Variants in XYLT1 observed in about 807,000 individuals in gnomAD.
XYLT1 encodes xylosyltransferase 1.
A neutral mutation model predicts 91.3 loss-of-function variants in XYLT1; 36 were observed. The ratio of observed to expected loss-of-function variants is 0.39; its 90% CI spans 0.30 to 0.52. The LOEUF (loss-of-function observed/expected upper bound fraction) is 0.52, where lower values mean the gene tolerates loss of function less well. XYLT1 is among the 20% of genes least tolerant of loss of function. The pLI, the probability that XYLT1 is intolerant of heterozygous loss-of-function variation, is 0.68. For missense variants in XYLT1, 1,242 were observed against 1,284.5 expected, an observed-to-expected ratio of 0.97 and a Z score of 0.51; for synonymous variants, 588 against 532.0, an observed-to-expected ratio of 1.11 and a Z score of -1.45.
intron 5 of XYLT1, among the ~76,000 whole-genome samples, chr16:17,164,038 CAAAAAAAAAAAAAAAAAAA>C (rs57343034): frequency 6.8e-5 from 3 of 44,414 alleles, no homozygotes; most frequent in South Asian, 3.5e-3. Flanking sequence ...AACTCTGTCT[CAAAAAAAAAAAAAAAAAAA>C]AAAAAAAAAA....
At chr16:17,364,488 C>T (rs1158915254) in intron 1 of XYLT1, among the ~76,000 whole-genome samples, 2 of 152,196 alleles carry the variant, frequency 1.3e-5, no homozygotes, top group Non-Finnish European at 2.9e-5. Context: ...TCTTTGATTT[C>T]TTCCTCCAGG....
intron 1 of XYLT1, among the ~76,000 whole-genome samples, chr16:17,455,124 G>T (rs1309343598): frequency 1.3e-5 from 2 of 152,058 alleles, no homozygotes; most frequent in Non-Finnish European, 2.9e-5. Context: ...AAAAGTACCT[G>T]GTGGGGTTAG....
At chr16:17,262,722 G>C (rs910101207) in intron 2 of XYLT1, among the ~76,000 whole-genome samples, 2 of 152,114 alleles carry the variant, frequency 1.3e-5, no homozygotes, top group Non-Finnish European at 2.9e-5. Context: ...CACTCCTGCT[G>C]GTGGAGGTCA....
intron 2 of XYLT1, among the ~76,000 whole-genome samples, chr16:17,353,364 G>A (rs2035246985): frequency 6.6e-6 from 1 of 152,170 alleles, no homozygotes; most frequent in Non-Finnish European, 1.5e-5. Flanking sequence ...AGTGAGGGCA[G>A]GAGGAGGCAG....
Position 17,450,701 on chromosome 16 carries a change from T to A in XYLT1, c.363+19733A>T, listed in dbSNP as rs192811266. On this transcript the variant is annotated intron_variant, in intron 1 of 11. Coordinates refer to ENST00000261381, the MANE Select transcript of XYLT1 (RefSeq NM_022166.4). ...TCTGGAATCCAGGTATCCTGACTCC[T>A]GAAAGTCGAGATCACTTTGTCTTGC... 1.2e-3 allele frequency among the ~76,000 whole-genome samples: 185 copies of A among 152,268 alleles called. 1 individual carries two copies. Among genetic ancestry groups the A allele is most frequent in the African/African-American group, 4.0e-3 (165 of 41,546 alleles).
Position 17,259,180 on chromosome 16 carries a change from T to C in XYLT1, c.721A>G (p.Lys241Glu), listed in dbSNP as rs1281209696. 1 of 1,599,760 alleles carries C rather than the reference T, an allele frequency of 6.3e-7. No individual in the cohort carries two copies. The highest frequency in any genetic ancestry group is 8.5e-7 in the Non-Finnish European group (1 of 1,173,084). ...KDVSRPPHAR[K>E]TGGSSPETKY... ...GTCTCGGGGGAGCTGCCCCCAGTTTTCCTGGCATGAGGCGGTCTGGACACA... is the reference window on the plus strand; with the variant it reads ...GTCTCGGGGGAGCTGCCCCCAGTTTCCCTGGCATGAGGCGGTCTGGACACA... The change falls in exon 3 of 12, where the codon AAA becomes GAA. Residue 241 changes from lysine (K) to glutamate (E), a missense_variant. This residue lies in a region of XYLT1 where 437 missense variants were observed against 411.5 expected (regional missense o/e 1.06). Coordinates refer to ENST00000261381, the MANE Select transcript of XYLT1 (RefSeq NM_022166.4).
At chr16:17,421,884 C>T (rs2036255485) in intron 1 of XYLT1, among the ~76,000 whole-genome samples, 2 of 152,146 alleles carry the variant, frequency 1.3e-5, no homozygotes, top group Admixed American at 1.3e-4. Flanking sequence ...ATCACCCAGG[C>T]CAGAATGCAG....
chr16:17,359,819 C>T lies in XYLT1; in HGVS notation c.364-1769G>A, dbSNP rs988667336. On this transcript the variant is annotated intron_variant, in intron 1 of 11. Coordinates refer to ENST00000261381, the MANE Select transcript of XYLT1 (RefSeq NM_022166.4). ...AGTGGCAGCTAGGATTGGTAAAACC[C>T]GACATTCATAGAGCAACTTTCTTTT... Among the ~76,000 whole-genome samples, 6 of 152,262 alleles carry T rather than the reference C, an allele frequency of 3.9e-5. No homozygotes were observed. In the South Asian group the frequency reaches 1.2e-3, roughly 32 times the overall value.
At chr16:17,300,645 C>T (rs1371283044) in intron 2 of XYLT1, among the ~76,000 whole-genome samples, 3 of 151,374 alleles carry the variant, frequency 2.0e-5, no homozygotes, top group Admixed American at 1.3e-4. Flanking sequence ...TTAGTAGTGA[C>T]GGGGTTTCAT....
Position 17,139,195 on chromosome 16 carries a change from G to GAGAA in XYLT1, c.1588-668_1588-665dup, listed in dbSNP as rs756952163. ...TACTTGAGAGACTGCCAGAGAGTGAGAGAAAGATTTCTATAATAGACAGTC... is the reference window on the plus strand; with the variant it reads ...TACTTGAGAGACTGCCAGAGAGTGAGAGAAAGAAAGATTTCTATAATAGACAGTC... On this transcript the variant is annotated intron_variant, in intron 7 of 11. Coordinates refer to ENST00000261381, the MANE Select transcript of XYLT1 (RefSeq NM_022166.4). Among the ~76,000 whole-genome samples, 6 of 152,354 alleles carry GAGAA rather than the reference G, an allele frequency of 3.9e-5. No individual in the cohort carries two copies. The East Asian group carries it at 1.2e-3, about 29-fold the overall frequency.
intron 2 of XYLT1, among the ~76,000 whole-genome samples, chr16:17,330,544 T>C (rs1012388725): frequency 8.6e-5 from 13 of 151,832 alleles, no homozygotes; most frequent in Admixed American, 7.9e-4. Context: ...CCTAGCACTT[T>C]GGGAGGCCGA....
At chr16:17,132,674 G>C (rs140662522) in intron 9 of XYLT1, among the ~76,000 whole-genome samples, 3 of 152,288 alleles carry the variant, frequency 2.0e-5, no homozygotes, top group Non-Finnish European at 4.4e-5. Flanking sequence ...AGGCTGAAGC[G>C]GGAGGATTGC....
intron 5 of XYLT1, among the ~76,000 whole-genome samples, chr16:17,188,475 C>T (rs1284926035): frequency 1.3e-5 from 2 of 152,154 alleles, no homozygotes; most frequent in Admixed American, 6.5e-5. Flanking sequence ...TCCCAAGCTA[C>T]CCCCTCTTCC....
At chr16:17,245,415 C>T (rs1446590426) in intron 3 of XYLT1, among the ~76,000 whole-genome samples, 1 of 152,172 alleles carries the variant, frequency 6.6e-6, no homozygotes, top group Non-Finnish European at 1.5e-5. Context: ...CGCTTTGTGG[C>T]TCAGCTCGAT....
intron 5 of XYLT1, among the ~76,000 whole-genome samples, chr16:17,189,347 T>C (rs1421199131): frequency 6.6e-6 from 1 of 152,114 alleles, no homozygotes; most frequent in East Asian, 1.9e-4. Flanking sequence ...CCGGTGTGAA[T>C]GGGAAAGGCC....
intron 1 of XYLT1, among the ~76,000 whole-genome samples, chr16:17,452,899 A>G (rs2036685668): frequency 6.6e-6 from 1 of 152,204 alleles, no homozygotes; most frequent in African/African-American, 2.4e-5. Flanking sequence ...CTTTGTAAAG[A>G]GTTTCAATGA....
chr16:17,456,704 T>C (rs1439006970), intron 1 of XYLT1, among the ~76,000 whole-genome samples: 1 of 152,188 alleles, frequency 6.6e-6, no homozygotes, highest in African/African-American at 2.4e-5. Context: ...TACATCTTTC[T>C]GTGCGGCACA....
chr16:17,289,630 C>A (rs968694096), intron 2 of XYLT1, among the ~76,000 whole-genome samples: 4 of 152,136 alleles, frequency 2.6e-5, no homozygotes, highest in Admixed American at 2.6e-4. Context: ...ATTCCAAATC[C>A]AAGACCCAAC....
At chr16:17,150,375 C>T (rs1161198697) in intron 6 of XYLT1, among the ~76,000 whole-genome samples, 1 of 152,164 alleles carries the variant, frequency 6.6e-6, no homozygotes, top group Admixed American at 6.5e-5. Context: ...AGAGCACCTT[C>T]GATATTCCAG....
Sources: allele counts gnomAD v4.1 joint callset (sites outside exome capture counted in the v4.1 genomes callset), GRCh38; gene constraint gnomAD v4.1.1; regional missense constraint gnomAD v4.1.1; transcripts MANE v1.5; gene names NCBI Gene and HGNC (gene_info 2026-07-23, HGNC 2026-07-21).